The following SLC30A7 variants were observed in gnomAD, a reference collection of about 807,000 sequenced individuals.
The protein encoded by SLC30A7 is solute carrier family 30 member 7.
SLC30A7 carries 35 observed loss-of-function variants against 46.0 expected under a neutral mutation model. That is an observed-to-expected ratio of 0.76 (90% CI 0.58 to 1.01). SLC30A7 has a LOEUF of 1.01. SLC30A7 is among the 50% of genes least tolerant of loss of function. The probability of loss-of-function intolerance (pLI) is 0.00; values close to 1 mark genes in which losing one functional copy is unlikely to be tolerated. For synonymous variants in SLC30A7, 147 were observed against 157.8 expected, an observed-to-expected ratio of 0.93 and a Z score of 0.51; for missense variants, 464 against 451.1, an observed-to-expected ratio of 1.03 and a Z score of -0.26.
chr1:100,924,697 C>A (rs1400494592), intron 8 of SLC30A7, among the ~76,000 whole-genome samples: 1 of 148,698 alleles, frequency 6.7e-6, no homozygotes. Context: ...AAAATTGGTA[C>A]ACTTTGAATT....
chr1:100,932,825 C>T (rs1422567983), intron 8 of SLC30A7, among the ~76,000 whole-genome samples: 2 of 152,120 alleles, frequency 1.3e-5, no homozygotes, highest in African/African-American at 2.4e-5. Flanking sequence ...GTAATTTAAT[C>T]AAGGGCCCCC....
chr1:100,897,863 A>C (rs1312924117), intron 2 of SLC30A7, among the ~76,000 whole-genome samples: 1 of 152,218 alleles, frequency 6.6e-6, no homozygotes, highest in African/African-American at 2.4e-5. Context: ...TTTGGGAATC[A>C]GATGTGTTAA....
At chr1:100,969,049 T>TA (rs1341151980) in intron 10 of SLC30A7, among the ~76,000 whole-genome samples, 3 of 152,220 alleles carry the variant, frequency 2.0e-5, no homozygotes, top group Admixed American at 2.0e-4. Context: ...GAAATAATCT[T>TA]ACGTATAATT....
At chr1:100,918,491 A>G (rs1443633344) in intron 7 of SLC30A7, among the ~76,000 whole-genome samples, 1 of 152,152 alleles carries the variant, frequency 6.6e-6, no homozygotes, top group Non-Finnish European at 1.5e-5. Context: ...ATTCTGCTTG[A>G]ATATAAGTAA....
chr1:100,988,394 A>G, the SLC30A7 span, among the ~76,000 whole-genome samples: 5 of 152,172 alleles, frequency 3.3e-5, no homozygotes, highest in African/African-American at 4.8e-5. Flanking sequence ...CACAGTTTAT[A>G]ATTGGGAGGG....
chr1:100,934,051 T>G (rs929319083), intron 8 of SLC30A7, among the ~76,000 whole-genome samples: 3 of 152,258 alleles, frequency 2.0e-5, no homozygotes, highest in Admixed American at 2.0e-4. Context: ...TGTTCAGCTC[T>G]GTATCATATC....
chr1:100,904,170 G>C (rs967027806), intron 2 of SLC30A7, among the ~76,000 whole-genome samples: 1 of 152,238 alleles, frequency 6.6e-6, no homozygotes, highest in Non-Finnish European at 1.5e-5. Flanking sequence ...TTGGAGCTGG[G>C]ATTTGAACCC....
intron 8 of SLC30A7, among the ~76,000 whole-genome samples, chr1:100,924,466 T>A (rs1237285172): frequency 6.6e-6 from 1 of 152,174 alleles, no homozygotes. Flanking sequence ...CAGATCAGAT[T>A]CAGTTTAAAT....
intron 8 of SLC30A7, among the ~76,000 whole-genome samples, chr1:100,926,765 C>T (rs1313470791): frequency 6.6e-6 from 1 of 152,166 alleles, no homozygotes; most frequent in Non-Finnish European, 1.5e-5. Context: ...CTGTGCCAGG[C>T]AAATAGCCTA....
intron 10 of SLC30A7, among the ~76,000 whole-genome samples, chr1:100,970,115 A>G (rs1656076966): frequency 6.6e-6 from 1 of 152,138 alleles, no homozygotes; most frequent in African/African-American, 2.4e-5. Context: ...TATTTCTTAC[A>G]GACAGATTCA....
intron 8 of SLC30A7, among the ~76,000 whole-genome samples, chr1:100,942,636 C>T (rs1654417477): frequency 1.3e-5 from 2 of 152,202 alleles, no homozygotes; most frequent in South Asian, 4.1e-4. Context: ...GAAATGGAGT[C>T]TGTGCTCCCA....
At chr1:100,947,452 T>C (rs546501499) in intron 8 of SLC30A7, among the ~76,000 whole-genome samples, 1 of 152,352 alleles carries the variant, frequency 6.6e-6, no homozygotes, top group East Asian at 1.9e-4. Context: ...TTACATTTGC[T>C]GAGGAGTGCT....
At position 100,966,853 on chromosome 1, in the gene SLC30A7, C is replaced by T. The variant is rs555131977; in HGVS notation, c.1083+935C>T. Among the ~76,000 whole-genome samples, 367 of 152,266 alleles carry T rather than the reference C, an allele frequency of 2.4e-3. 1 individual carries two copies. The highest frequency in any genetic ancestry group is 4.1e-3 in the Non-Finnish European group (281 of 68,008). On this transcript the variant is annotated intron_variant, in intron 10 of 10. Coordinates refer to ENST00000357650, the MANE Select transcript of SLC30A7 (RefSeq NM_133496.5). ...GCTTTAGCTAAAAGCAGACTGTTAACTTTTTTGTGTGACAGCAAAACTATG... is the reference window on the plus strand; with the variant it reads ...GCTTTAGCTAAAAGCAGACTGTTAATTTTTTTGTGTGACAGCAAAACTATG...
At chr1:100,990,255 G>A in the SLC30A7 span, 21 of 672,098 alleles carry the variant, frequency 3.1e-5, no homozygotes, top group Admixed American at 3.8e-4. Context: ...AGAATAGCAT[G>A]AGGGAAACTG....
At chr1:100,988,808 C>A in the SLC30A7 span, among the ~76,000 whole-genome samples, 1 of 151,818 alleles carries the variant, frequency 6.6e-6, no homozygotes, top group African/African-American at 2.4e-5. Flanking sequence ...CAAGATTGCA[C>A]CACTACACTC....
At position 100,978,561 on chromosome 1, in the gene SLC30A7, C is replaced by T. The variant is rs1041902851; in HGVS notation, c.*3704C>T. 1 of 152,144 alleles carries T rather than the reference C, an allele frequency of 6.6e-6. No homozygotes were observed. Among genetic ancestry groups the T allele is most frequent in the Non-Finnish European group, 1.5e-5 (1 of 68,022 alleles). The allele number at this position is 152,144 out of a possible 1,614,324, so 9.4% of individuals were successfully genotyped here. On this transcript the variant is annotated 3_prime_UTR_variant, in exon 11 of 11. Coordinates refer to ENST00000357650, the MANE Select transcript of SLC30A7 (RefSeq NM_133496.5). Reference sequence around the variant, plus strand: ...AAAAACTCTCATTTGCTCAAAGTCACAGAGAAAATTAGTGGCAAAGCCAAA... The same window carrying T: ...AAAAACTCTCATTTGCTCAAAGTCATAGAGAAAATTAGTGGCAAAGCCAAA...
At chr1:100,963,004 A>G (rs575524131) in intron 9 of SLC30A7, among the ~76,000 whole-genome samples, 68 of 152,278 alleles carry the variant, frequency 4.5e-4, no homozygotes, top group African/African-American at 1.5e-3. Flanking sequence ...TACAGGTTTG[A>G]GGATGGAAAA....
chr1:100,987,424 T>C, the SLC30A7 span, among the ~76,000 whole-genome samples: 2 of 152,178 alleles, frequency 1.3e-5, no homozygotes, highest in African/African-American at 4.8e-5. Flanking sequence ...CTTCTAATCT[T>C]TTCTTCTCTT....
chr1:100,908,001 A>G (rs1427069975), intron 3 of SLC30A7, among the ~76,000 whole-genome samples: 1 of 144,092 alleles, frequency 6.9e-6, no homozygotes, highest in East Asian at 2.0e-4. Flanking sequence ...GTCAGGCTCA[A>G]TCTCTCCTCC....
Sources: gnomAD v4.1 joint callset for allele counts (sites outside exome capture counted in the v4.1 genomes callset) on GRCh38, gnomAD v4.1.1 for gene constraint, MANE v1.5 for transcripts, NCBI Gene and HGNC (gene_info 2026-07-23, HGNC 2026-07-21) for gene names.